MACROD2: variants seen among roughly 807,000 people sequenced by gnomAD.
MACROD2 encodes the protein ADP-ribose glycohydrolase MACROD2.
In MACROD2, 36 loss-of-function variants were observed where a neutral mutation model predicts 70.4. That is an observed-to-expected ratio of 0.51 (90% CI 0.39 to 0.68). MACROD2 has a LOEUF of 0.68. Among genes scored for constraint, MACROD2 ranks in the 30% least tolerant of loss-of-function variants. MACROD2 has a pLI of 0.00. For missense variants in MACROD2, 496 were observed against 538.4 expected (o/e 0.92, Z 0.78); for synonymous variants, 172 against 178.8 (o/e 0.96, Z 0.30).
At chr20:14,900,351 G>A (rs990924411) in intron 5 of MACROD2, among the ~76,000 whole-genome samples, 30 of 152,034 alleles carry the variant, frequency 2.0e-4, no homozygotes, top group African/African-American at 6.0e-4. Flanking sequence ...GTGTTTCTTC[G>A]TACTCTTTAT....
chr20:15,093,667 A>T (rs1207539624), intron 5 of MACROD2, among the ~76,000 whole-genome samples: 1 of 152,210 alleles, frequency 6.6e-6, no homozygotes, highest in African/African-American at 2.4e-5. Flanking sequence ...TTTCTTTATT[A>T]TGAAAATTCT....
chr20:14,177,567 C>T (rs369509417), intron 3 of MACROD2, among the ~76,000 whole-genome samples: 5 of 152,186 alleles, frequency 3.3e-5, no homozygotes, highest in African/African-American at 4.8e-5. Context: ...CTGCCCGCCT[C>T]GGCCTCCCAA....
chr20:15,478,733 C>T (rs79755115), intron 7 of MACROD2, among the ~76,000 whole-genome samples: 1 of 152,212 alleles, frequency 6.6e-6, no homozygotes, highest in East Asian at 1.9e-4. Context: ...AGGGAGTTGG[C>T]TATTTTACAG....
intron 10 of MACROD2, among the ~76,000 whole-genome samples, chr20:15,894,845 A>T (rs560981094): frequency 1.3e-5 from 2 of 152,348 alleles, no homozygotes; most frequent in East Asian, 3.9e-4. Context: ...GGCCAGCTGC[A>T]ATAATTCACC....
At chr20:15,910,091 G>A (rs1050991219) in intron 10 of MACROD2, among the ~76,000 whole-genome samples, 1 of 152,168 alleles carries the variant, frequency 6.6e-6, no homozygotes, top group Non-Finnish European at 1.5e-5. Flanking sequence ...TTATGATTTT[G>A]ATGTTCTTTC....
intron 3 of MACROD2, among the ~76,000 whole-genome samples, chr20:14,108,756 G>T (rs1372526861): frequency 6.6e-6 from 1 of 151,874 alleles, no homozygotes; most frequent in East Asian, 1.9e-4. Context: ...GCACCCAGAT[G>T]TATACAGCAA....
At chr20:15,699,205 G>C (rs921009963) in intron 8 of MACROD2, among the ~76,000 whole-genome samples, 3 of 152,272 alleles carry the variant, frequency 2.0e-5, no homozygotes, top group South Asian at 2.1e-4. Context: ...CTCTGGGTAG[G>C]CTCTGTCAGA....
At chr20:15,118,225 G>A (rs1406987480) in intron 5 of MACROD2, among the ~76,000 whole-genome samples, 3 of 135,682 alleles carry the variant, frequency 2.2e-5, no homozygotes, top group South Asian at 4.6e-4. Context: ...CCAGGGTCTC[G>A]CCCTGTTACC....
rs188104575 is a variant in MACROD2, at chr20:15,194,828, T to C, written c.419-35112T>C. Reference sequence around the variant, plus strand: ...CAGGATCCACTCCAGAGTTACTGTTTGCATTTAGCTGTCATGTTCTTCCAG... The same window carrying C: ...CAGGATCCACTCCAGAGTTACTGTTCGCATTTAGCTGTCATGTTCTTCCAG... On this transcript the variant is annotated intron_variant, in intron 5 of 17. Coordinates refer to ENST00000684519, the MANE Select transcript of MACROD2 (RefSeq NM_001351661.2). Among the ~76,000 whole-genome samples the C allele has an allele frequency of 2.7e-4, 41 of 152,324 alleles. No individual in the cohort carries two copies. The East Asian group carries it at 7.5e-3, about 28-fold the overall frequency.
At chr20:15,427,999 A>G (rs1437900862) in intron 6 of MACROD2, among the ~76,000 whole-genome samples, 1 of 152,250 alleles carries the variant, frequency 6.6e-6, no homozygotes, top group Non-Finnish European at 1.5e-5. Context: ...CTCCAAGAAC[A>G]AAGAATTATC....
chr20:15,861,810 T>C (rs921748289), intron 8 of MACROD2, among the ~76,000 whole-genome samples: 1 of 152,156 alleles, frequency 6.6e-6, no homozygotes, highest in African/African-American at 2.4e-5. Context: ...TGGGGGTTCT[T>C]TCTTGTCCTG....
chr20:15,012,965 A>G (rs912464271), intron 5 of MACROD2, among the ~76,000 whole-genome samples: 1 of 152,198 alleles, frequency 6.6e-6, no homozygotes, highest in African/African-American at 2.4e-5. Flanking sequence ...GCCAGGGCCT[A>G]TGAAGAGGAG....
chr20:14,611,068 A>G (rs1036630575), intron 4 of MACROD2, among the ~76,000 whole-genome samples: 3 of 152,096 alleles, frequency 2.0e-5, no homozygotes, highest in Non-Finnish European at 1.5e-5. Context: ...GAATACTTGC[A>G]TTTAGATTTT....
intron 8 of MACROD2, among the ~76,000 whole-genome samples, chr20:15,530,156 G>C (rs999151308): frequency 6.6e-6 from 1 of 152,178 alleles, no homozygotes; most frequent in Non-Finnish European, 1.5e-5. Flanking sequence ...GCCATATGTA[G>C]AATTAGCTGC....
At chr20:15,085,355 A>T (rs1568565637) in intron 5 of MACROD2, among the ~76,000 whole-genome samples, 1 of 152,214 alleles carries the variant, frequency 6.6e-6, no homozygotes, top group Non-Finnish European at 1.5e-5. Flanking sequence ...TGGATATGAA[A>T]CAACAAGCAC....
chr20:15,418,549 G>C (rs2046186244), intron 6 of MACROD2, among the ~76,000 whole-genome samples: 1 of 152,080 alleles, frequency 6.6e-6, no homozygotes, highest in Non-Finnish European at 1.5e-5. Flanking sequence ...TTGGTTGGTT[G>C]GTGTGAATAG....
At chr20:14,067,604 T>G (rs893541478) in intron 2 of MACROD2, among the ~76,000 whole-genome samples, 1 of 152,194 alleles carries the variant, frequency 6.6e-6, no homozygotes, top group Non-Finnish European at 1.5e-5. Context: ...TTAGACTGAG[T>G]CATACTGTGT....
At chr20:15,525,626 A>G (rs1261783686) in intron 8 of MACROD2, among the ~76,000 whole-genome samples, 1 of 152,242 alleles carries the variant, frequency 6.6e-6, no homozygotes, top group Non-Finnish European at 1.5e-5. Context: ...TTATGCATCC[A>G]GCATTAAAGA....
At chr20:14,170,210 A>C (rs948538479) in intron 3 of MACROD2, among the ~76,000 whole-genome samples, 2 of 152,144 alleles carry the variant, frequency 1.3e-5, no homozygotes, top group Admixed American at 6.6e-5. Flanking sequence ...TTTCAAGATA[A>C]ATTTCCTCAT....
Sources: allele counts gnomAD v4.1 joint callset (sites outside exome capture counted in the v4.1 genomes callset), GRCh38; gene constraint gnomAD v4.1.1; transcripts MANE v1.5; gene names NCBI Gene and HGNC (gene_info 2026-07-23, HGNC 2026-07-21).